The following PTPRF variants were observed in gnomAD, a reference collection of about 807,000 sequenced individuals.
PTPRF encodes receptor-type tyrosine-protein phosphatase F.
A neutral mutation model predicts 201.8 loss-of-function variants in PTPRF; 59 were observed. The ratio of observed to expected loss-of-function variants is 0.29; its 90% CI spans 0.24 to 0.36. The LOEUF (loss-of-function observed/expected upper bound fraction) is 0.36, where lower values mean the gene tolerates loss of function less well. Ranked by LOEUF, PTPRF falls within the 10% of genes least tolerant of loss-of-function variation. The pLI, the probability that PTPRF is intolerant of heterozygous loss-of-function variation, is 1.00. For synonymous variants in PTPRF, 1,088 were observed against 1,089.7 expected, an observed-to-expected ratio of 1.00 and a Z score of 0.03; for missense variants, 2,132 against 2,690.5, an observed-to-expected ratio of 0.79 and a Z score of 4.59.
Position 43,606,360 on chromosome 1 carries a change from G to A in PTPRF, c.3604G>A (p.Asp1202Asn), listed in dbSNP as rs1451115204. 1 of 1,614,178 alleles carries A rather than the reference G, an allele frequency of 6.2e-7. No individual in the cohort carries two copies. ...DVLPETFTLG[D>N]KKNYRGFYNR... ...GCTCCCGGAGACCTTTACCTTGGGG[G>A]ACAAGAAGAACTACCGGGGCTTCTA... Residue 1202 changes from aspartate (D) to asparagine (N), a missense_variant, in exon 20 of 34, where the codon GAC becomes AAC. Asp to Asn is a conservative substitution (Grantham distance 23). Transcript: ENST00000359947.
At chr1:43,598,251 G>C (rs951297183) in intron 12 of PTPRF, 198 bp downstream of exon 12, 5 of 551,968 alleles carry the variant, frequency 9.1e-6, no homozygotes, top group Non-Finnish European at 1.5e-5. Flanking sequence ...TGTCTCCAAA[G>C]CAGCTGAAAC....
chr1:43,592,931 A>G (rs114221323), intron 11 of PTPRF, among the ~76,000 whole-genome samples: 2 of 152,006 alleles, frequency 1.3e-5, no homozygotes, highest in East Asian at 1.9e-4. Flanking sequence ...AGCTTAGCTG[A>G]TGGGCCATCC....
rs79621077 is a variant in PTPRF at position 43,591,088 on chromosome 1, G to T, written c.1066G>T (p.Ala356Ser). ...PVTYYGIQYRAAGTEGPFQEV... is the reference protein window; with the variant it reads ...PVTYYGIQYRSAGTEGPFQEV... ...AACCTACTATGGCATCCAGTACCGC[G>T]CAGCGGGCACGGAGGGCCCCTTTCA... The change falls in exon 9 of 34, where the codon GCA (alanine) becomes TCA (serine). Residue 356 changes from alanine to serine, a missense_variant. Physicochemically the swap from Ala to Ser is moderately conservative, Grantham distance 99 (BLOSUM62 1). Transcript: ENST00000359947. 2.8e-4 allele frequency: 459 copies of T among 1,613,918 alleles called. 5 individuals are homozygous for T. The African/African-American group carries it at 5.4e-3, about 19-fold the overall frequency.
chr1:43,598,496 G>A, intron 12 of PTPRF: 1 of 545,196 alleles, frequency 1.8e-6, no homozygotes, highest in South Asian at 2.7e-5. Flanking sequence ...CCAAGTGAGA[G>A]GCCTGGGCCA....
chr1:43,523,591 C>T (rs939751450), upstream of PTPRF, among the ~76,000 whole-genome samples: 13 of 150,976 alleles, frequency 8.6e-5, no homozygotes, highest in Admixed American at 3.3e-4. Context: ...AAATGAATAC[C>T]GAAAAAAAAA....
chr1:43,536,007 G>A (rs1200221925), intron 1 of PTPRF, among the ~76,000 whole-genome samples: 1 of 152,182 alleles, frequency 6.6e-6, no homozygotes, highest in African/African-American at 2.4e-5. Flanking sequence ...TGGCTCAAGT[G>A]ATCCACCTGC....
At position 43,588,903 on chromosome 1, in the gene PTPRF, C is replaced by A; in HGVS notation, c.852C>A (p.Val284=). ...KEDEMPVGRN[V]LELSNVVRSA... ...ATGAGATGCCAGTTGGCCGCAACGT[C>A]CTGGAGCTCAGCAATGTCGTACGCT... Residue 284 remains valine, a synonymous_variant, in exon 8 of 34, where the codon GTC becomes GTA. Transcript: ENST00000359947. This position sits in a 1 kb window ranked among gnomAD's most constrained non-coding sequence, Gnocchi z 5.3. 6.2e-7 allele frequency: 1 copy of A among 1,613,540 alleles called. No individual in the cohort carries two copies.
chr1:43,592,506 A>G lies in PTPRF; in HGVS notation c.1718A>G (p.Lys573Arg), dbSNP rs776265538. The change falls in exon 11 of 34, where the codon AAG becomes AGG. Residue 573 changes from lysine to arginine, a missense_variant. This residue lies in a region of PTPRF where 351 missense variants were observed against 401.7 expected (regional missense o/e 0.87). Transcript: ENST00000359947. ...PTSSYTLEDL[K>R]PDTLYRFQLA... ...TCCTCCTACACACTAGAGGACCTGA[A>G]GCCTGACACACTCTACCGCTTCCAG... The G allele has an allele frequency of 1.2e-6, 2 of 1,612,676 alleles. No individual in the cohort carries two copies. The highest frequency in any genetic ancestry group is 8.5e-7 in the Non-Finnish European group (1 of 1,179,608).
Position 43,568,036 on chromosome 1 carries a change from C to G in PTPRF, c.380-1554C>G, listed in dbSNP as rs530033023. Among the ~76,000 whole-genome samples the G allele has an allele frequency of 2.0e-5, 3 of 152,290 alleles. No individual in the cohort carries two copies. The East Asian group carries it at 5.8e-4, about 29-fold the overall frequency. On this transcript the variant is annotated intron_variant, in intron 5 of 33. Coordinates refer to ENST00000359947, the MANE Select transcript of PTPRF (RefSeq NM_002840.5). ...TGGGATGGGGCCTGGTGGCTCACAG[C>G]TGTAATCCCAGCACTTTGGGAGGCC... is the stretch of plus-strand genomic sequence containing the variant.
At chr1:43,579,238 G>A (rs1262117743) in intron 7 of PTPRF, 1 of 571,538 alleles carries the variant, frequency 1.7e-6, no homozygotes, top group African/African-American at 1.9e-5. Flanking sequence ...ACTTCTTGGT[G>A]TATGTGCATG....
chr1:43,615,228 C>T (rs1657460267), intron 23 of PTPRF, among the ~76,000 whole-genome samples: 1 of 152,218 alleles, frequency 6.6e-6, no homozygotes, highest in South Asian at 2.1e-4. Context: ...CTGCCTCTGC[C>T]TATAGGGCCC....
intron 14 of PTPRF, among the ~76,000 whole-genome samples, chr1:43,602,651 C>T (rs1345821193): frequency 6.6e-6 from 1 of 152,196 alleles, no homozygotes; most frequent in East Asian, 1.9e-4. Flanking sequence ...TCCCACTCTT[C>T]TCTCTGTGTG....
chr1:43,601,100 T>G (rs1653639705), intron 13 of PTPRF, among the ~76,000 whole-genome samples: 1 of 152,126 alleles, frequency 6.6e-6, no homozygotes, highest in African/African-American at 2.4e-5. Context: ...TCCAACAGAG[T>G]GTCCCAGGAC....
chr1:43,606,574 TC>T, intron 20 of PTPRF, 116 bp downstream of exon 20: 1 of 1,172,420 alleles, frequency 8.5e-7, no homozygotes, highest in Non-Finnish European at 1.2e-6. Flanking sequence ...GGCTTCGAGA[TC>T]CTGGGGCAGC....
chr1:43,524,586 G>T (rs1272275366), upstream of PTPRF, among the ~76,000 whole-genome samples: 2 of 152,294 alleles, frequency 1.3e-5, no homozygotes, highest in Middle Eastern at 3.4e-3. Context: ...TCCAGTTGAA[G>T]GTTGGGGGTG....
chr1:43,602,623 G>A (rs1419455013), intron 14 of PTPRF, among the ~76,000 whole-genome samples: 1 of 129,332 alleles, frequency 7.7e-6, no homozygotes, highest in Admixed American at 7.4e-5. Flanking sequence ...CCCACTGCAC[G>A]GTGGTCCCTG....
At position 43,617,933 on chromosome 1, in the gene PTPRF, A is replaced by T. The variant is rs1212812424; in HGVS notation, c.4371+22A>T. 6 of 1,590,130 alleles carry T rather than the reference A, an allele frequency of 3.8e-6. No homozygotes were observed. In the East Asian group the frequency reaches 1.4e-4, roughly 36 times the overall value. On this transcript the variant is annotated intron_variant, in intron 25 of 33. Transcript: ENST00000359947. ...CCGGGTGAGGCTGCAGGGCCCTGCC[A>T]GGAGGCGGGTGGGAAATGCCCAGCC...
Position 43,605,275 on chromosome 1 carries a change from C to T in PTPRF, c.3221C>T (p.Ser1074Leu), listed in dbSNP as rs772345902. The change falls in exon 18 of 34, where the codon TCG becomes TTG. Residue 1074 changes from serine to leucine, a missense_variant. By Grantham distance (145) the Ser-to-Leu change is moderately radical. This residue lies in a region of PTPRF where 818 missense variants were observed against 915.3 expected (regional missense o/e 0.89). Transcript: ENST00000359947. ...IADLQPNTEYSFVLMNRGSSA... is the reference protein window; with the variant it reads ...IADLQPNTEYLFVLMNRGSSA... ...GACCTGCAGCCCAACACAGAGTACTCGTTTGTGCTGATGAACCGTGGCAGC... is the reference window on the plus strand; with the variant it reads ...GACCTGCAGCCCAACACAGAGTACTTGTTTGTGCTGATGAACCGTGGCAGC... 3 of 1,612,998 alleles carry T rather than the reference C, an allele frequency of 1.9e-6. No homozygotes were observed. Among genetic ancestry groups the T allele is most frequent in the African/African-American group, 1.3e-5 (1 of 74,934 alleles).
rs944123726 is a variant in PTPRF at position 43,618,572 on chromosome 1, C to A, written c.4372-58C>A. On this transcript the variant is annotated intron_variant, in intron 25 of 33. Coordinates refer to ENST00000359947, the MANE Select transcript of PTPRF (RefSeq NM_002840.5). Reference sequence around the variant, plus strand: ...AGGGAGTTGACCAGCCTCCACCCTGCTTCTGCCCGTCTGAGCCTGTGGGCT... The same window carrying A: ...AGGGAGTTGACCAGCCTCCACCCTGATTCTGCCCGTCTGAGCCTGTGGGCT... 37 of 1,562,614 alleles carry A rather than the reference C, an allele frequency of 2.4e-5. No homozygotes were observed. The African/African-American group carries it at 3.2e-4, about 14-fold the overall frequency.
Sources: allele counts gnomAD v4.1 joint callset (sites outside exome capture counted in the v4.1 genomes callset), GRCh38; gene constraint gnomAD v4.1.1; regional missense constraint gnomAD v4.1.1; non-coding constraint Gnocchi (gnomAD v3.1); transcripts MANE v1.5; gene names NCBI Gene and HGNC (gene_info 2026-07-23, HGNC 2026-07-21).